Variants in TRRAP observed in about 807,000 individuals in gnomAD.
TRRAP encodes transformation/transcription domain-associated protein.
In TRRAP, 41 loss-of-function variants were observed where a neutral mutation model predicts 438.8. The ratio of observed to expected loss-of-function variants is 0.09; its 90% CI spans 0.07 to 0.12. TRRAP has a LOEUF of 0.12. Ranked by LOEUF, TRRAP falls within the 10% of genes least tolerant of loss-of-function variation. TRRAP has a pLI of 1.00. For synonymous variants in TRRAP, 1,994 were observed against 1,962.9 expected, an observed-to-expected ratio of 1.02 and a Z score of -0.42; for missense variants, 3,122 against 5,055.1, an observed-to-expected ratio of 0.62 and a Z score of 11.60.
At chr7:98,884,864 G>A (rs781792570) in intron 3 of TRRAP, among the ~76,000 whole-genome samples, 2 of 152,060 alleles carry the variant, frequency 1.3e-5, no homozygotes, top group African/African-American at 2.4e-5. Context: ...GTCATGCTCC[G>A]GTACTGGCCC....
chr7:98,964,887 G>C, intron 48 of TRRAP, 112 bp downstream of exon 48: 8 of 1,323,652 alleles, frequency 6.0e-6, no homozygotes, highest in Non-Finnish European at 8.0e-6. Context: ...ACCAAGTCCT[G>C]TTGTTTGGTC....
chr7:98,958,068 T>C lies in TRRAP; in HGVS notation c.6319T>C (p.Phe2107Leu). ...GCAGCACACAGACACTGTGGTGAAC[T>C]TCCTTATCCGCGTGGCCTGTCAGGT... ...DKQHTDTVVN[F>L]LIRVACQVND... is the part of the protein sequence containing the mutation. Residue 2107 changes from phenylalanine (F) to leucine (L), a missense_variant, in exon 44 of 73, where the codon TTC (phenylalanine) becomes CTC (leucine). Transcript: ENST00000456197. 3 of 1,614,152 alleles carry C rather than the reference T, an allele frequency of 1.9e-6. No homozygotes were observed. Among genetic ancestry groups the C allele is most frequent in the Non-Finnish European group, 2.5e-6 (3 of 1,180,014 alleles).
intron 30 of TRRAP, among the ~76,000 whole-genome samples, chr7:98,938,680 T>C (rs1554414864): frequency 6.6e-6 from 1 of 152,240 alleles, no homozygotes; most frequent in Non-Finnish European, 1.5e-5. Flanking sequence ...TGCCATAATT[T>C]ATTTAACCAT....
intron 53 of TRRAP, among the ~76,000 whole-genome samples, chr7:98,972,869 T>C (rs896254811): frequency 2.0e-5 from 3 of 152,230 alleles, no homozygotes; most frequent in Non-Finnish European, 4.4e-5. Context: ...GTGACACCAT[T>C]GTCATCTTGG....
intron 40 of TRRAP, among the ~76,000 whole-genome samples, chr7:98,954,656 C>T (rs1244078476): frequency 2.0e-5 from 3 of 152,262 alleles, no homozygotes; most frequent in East Asian, 3.8e-4. Context: ...AACTGGTCTT[C>T]TCTGTGTTCC....
Position 98,950,152 on chromosome 7 carries a change from T to C in TRRAP, c.5224T>C (p.Tyr1742His). The change falls in exon 38 of 73, where the codon TAT becomes CAT. Residue 1742 changes from tyrosine to histidine, a missense_variant. Tyr to His is a moderately conservative substitution (Grantham distance 83, BLOSUM62 2). Around this residue, in one of 24 missense-constraint regions of TRRAP, gnomAD observed 272 missense variants for 348.5 expected, o/e 0.78. Coordinates refer to ENST00000456197, the MANE Select transcript of TRRAP (RefSeq NM_001375524.1). The part of the protein sequence containing the change: ...FLCNMTFLKE[Y>H]MEEEIPKNYS... ...CTGCAACATGACATTCTTAAAAGAGTATATGGAGGAAGAGATTCCCAAAAA... is the reference window on the plus strand; with the variant it reads ...CTGCAACATGACATTCTTAAAAGAGCATATGGAGGAAGAGATTCCCAAAAA... The C allele has an allele frequency of 6.2e-7, 1 of 1,614,006 alleles. No individual in the cohort carries two copies. The highest frequency in any genetic ancestry group is 8.5e-7 in the Non-Finnish European group (1 of 1,180,004).
At chr7:99,007,894 C>T (rs988919634) in intron 69 of TRRAP, among the ~76,000 whole-genome samples, 3 of 149,984 alleles carry the variant, frequency 2.0e-5, no homozygotes, top group Non-Finnish European at 3.0e-5. Context: ...GGCGTGATCT[C>T]GGCTCAAGGC....
intron 28 of TRRAP, among the ~76,000 whole-genome samples, chr7:98,936,824 A>ATACTC (rs1405819171): frequency 6.6e-6 from 1 of 152,176 alleles, no homozygotes; most frequent in Non-Finnish European, 1.5e-5. Flanking sequence ...CTCTTAGATT[A>ATACTC]TACTCAACAT....
intron 8 of TRRAP, 90 bp downstream of exon 8, chr7:98,897,956 G>A (rs1584281360): frequency 1.5e-5 from 24 of 1,579,232 alleles, no homozygotes; most frequent in Middle Eastern, 1.7e-4. Flanking sequence ...TTAAATACTT[G>A]GAGGCATTTA....
At position 98,994,472 on chromosome 7, in the gene TRRAP, G is replaced by T. The variant is rs969248427; in HGVS notation, c.10048-115G>T. The T allele has an allele frequency of 3.7e-5, 53 of 1,440,638 alleles. No individual in the cohort carries two copies. Among genetic ancestry groups the T allele is most frequent in the Non-Finnish European group, 4.5e-5 (47 of 1,052,820 alleles). The allele number at this position is 1,440,638 out of a possible 1,614,324, so 89.2% of individuals were successfully genotyped here. ...ATGCCTGCTGTGTGTGGGTCCTGCC[G>T]GGGAGTGCAGAGATGACCCTGGGCT... On this transcript the variant is annotated intron_variant, in intron 66 of 72. Coordinates refer to ENST00000456197, the MANE Select transcript of TRRAP (RefSeq NM_001375524.1). This position sits in a 1 kb window ranked among gnomAD's most constrained non-coding sequence, Gnocchi z 4.8.
At chr7:98,930,587 C>T (rs1271062744) in intron 24 of TRRAP, 46 bp from the exon 25 acceptor site, 2 of 1,602,670 alleles carry the variant, frequency 1.2e-6, no homozygotes, top group Admixed American at 3.4e-5. Context: ...TCAAAAAAAA[C>T]AAGAATTGCA....
At chr7:99,000,435 C>T (rs956424932) in intron 67 of TRRAP, among the ~76,000 whole-genome samples, 3 of 152,222 alleles carry the variant, frequency 2.0e-5, no homozygotes, top group Non-Finnish European at 4.4e-5. Flanking sequence ...GGAAATCCTG[C>T]CATGTGGGGC....
intron 19 of TRRAP, among the ~76,000 whole-genome samples, chr7:98,916,934 C>T (rs536706410): frequency 5.5e-4 from 83 of 152,254 alleles, no homozygotes; most frequent in African/African-American, 1.9e-3. Flanking sequence ...CACTGCCACA[C>T]GCCTTTCTCT....
In TRRAP at chr7:98,976,972, C is replaced by T. The variant is rs143671681; in HGVS notation, c.8281C>T (p.Leu2761=). Residue 2761 remains leucine (L), a synonymous_variant, in exon 56 of 73, where the codon CTG becomes TTG. Coordinates refer to ENST00000456197, the MANE Select transcript of TRRAP (RefSeq NM_001375524.1). The surrounding 1 kb of genome is among the most constrained non-coding windows in gnomAD (Gnocchi z 4.6). ...ILDSLAELYS[L]LQEEDMWAGL... is the part of the protein sequence containing the mutation. ...GGATTCCCTTGCGGAGCTTTACTCC[C>T]TGTTACAAGAGGAAGATATGTGGGC... The T allele has an allele frequency of 2.1e-3, 3,387 of 1,614,170 alleles. 3 individuals carry two copies. Among genetic ancestry groups the T allele is most frequent in the Non-Finnish European group, 2.7e-3 (3,158 of 1,180,036 alleles).
chr7:98,972,091 G>A, intron 53 of TRRAP, 146 bp downstream of exon 53: 1 of 1,189,712 alleles, frequency 8.4e-7, no homozygotes, highest in South Asian at 1.7e-5. Context: ...CACCCAGCCT[G>A]CAGTCTAGTG....
chr7:98,917,550 G>A lies in TRRAP; in HGVS notation c.2493G>A (p.Leu831=). ...ACCTGCCCATGCTTATGGATCCCTT[G>A]GTGTCTGCACTCAATGGGTCTCAGA... ...LPYLPMLMDP[L]VSALNGSQTL... The change falls in exon 20 of 73, where the codon TTG becomes TTA. Residue 831 remains leucine (L), a synonymous_variant. Coordinates refer to ENST00000456197, the MANE Select transcript of TRRAP (RefSeq NM_001375524.1). 6.2e-7 allele frequency: 1 copy of A among 1,614,152 alleles called. No homozygotes were observed. Among genetic ancestry groups the A allele is most frequent in the Non-Finnish European group, 8.5e-7 (1 of 1,180,038 alleles).
At chr7:98,931,717 T>C in intron 26 of TRRAP, 52 bp downstream of exon 26, 1 of 1,572,678 alleles carries the variant, frequency 6.4e-7, no homozygotes, top group Non-Finnish European at 8.6e-7. Context: ...CTTTTGAGCC[T>C]TTTTTTTAAA....
At chr7:98,906,126 G>A (rs1554407478) in intron 12 of TRRAP, 51 bp from the exon 13 acceptor site, 2 of 1,530,670 alleles carry the variant, frequency 1.3e-6, no homozygotes, top group Admixed American at 1.7e-5. Context: ...GTAATTTAAT[G>A]TGTGTAATTG....
chr7:98,976,468 G>T lies in TRRAP; in HGVS notation c.7960-15G>T, dbSNP rs1440733434. On this transcript the variant is annotated splice_polypyrimidine_tract_variant and intron_variant, in intron 54 of 72. Transcript: ENST00000456197. The surrounding 1 kb of genome is among the most constrained non-coding windows in gnomAD (Gnocchi z 4.6). ...TTTTGAATGAAGGCCTAAATGACAT[G>T]TGCTTTGGTTTCAGGCACTCGCGGG... The T allele has an allele frequency of 6.2e-7, 1 of 1,602,202 alleles. No homozygotes were observed. The highest frequency in any genetic ancestry group is 1.1e-5 in the South Asian group (1 of 90,946).
Sources: gnomAD v4.1 joint callset for allele counts (sites outside exome capture counted in the v4.1 genomes callset) on GRCh38, gnomAD v4.1.1 for gene constraint, gnomAD v4.1.1 regional missense constraint, Gnocchi (gnomAD v3.1) non-coding constraint, MANE v1.5 for transcripts, NCBI Gene and HGNC (gene_info 2026-07-23, HGNC 2026-07-21) for gene names.